PRDM14: variants seen among roughly 807,000 people sequenced by gnomAD.
PRDM14 encodes the protein PR domain zinc finger protein 14.
PRDM14 carries 16 observed loss-of-function variants against 48.0 expected under a neutral mutation model. That is an observed-to-expected ratio of 0.33 (90% CI 0.23 to 0.51). The LOEUF (loss-of-function observed/expected upper bound fraction) is 0.51, where lower values mean the gene tolerates loss of function less well. Among genes scored for constraint, PRDM14 ranks in the 20% least tolerant of loss-of-function variants. PRDM14 has a pLI of 0.97. For synonymous variants in PRDM14, 264 were observed against 276.6 expected (o/e 0.95, Z 0.45); for missense variants, 566 against 719.6 (o/e 0.79, Z 2.44).
intron 6 of PRDM14, among the ~76,000 whole-genome samples, 163 bp downstream of exon 6, chr8:70,058,477 C>T (rs73283199): frequency 0.016 from 2,450 of 152,318 alleles, 66 homozygotes; most frequent in African/African-American, 0.056. Context: ...TGTGCCTATT[C>T]ACGCCTGCCT....
chr8:70,068,780 T>A (rs919515838), intron 2 of PRDM14, among the ~76,000 whole-genome samples: 1 of 152,146 alleles, frequency 6.6e-6, no homozygotes, highest in African/African-American at 2.4e-5. Context: ...ATTAACCCCA[T>A]TAGGCAAATT....
intron 5 of PRDM14, among the ~76,000 whole-genome samples, chr8:70,062,402 T>C (rs1372523993): frequency 1.3e-5 from 2 of 152,342 alleles, no homozygotes; most frequent in Non-Finnish European, 1.5e-5. Context: ...CTTTGGAATA[T>C]TTCATATACA....
At chr8:70,064,890 CTT>C (rs764933551) in intron 5 of PRDM14, among the ~76,000 whole-genome samples, 32 of 135,874 alleles carry the variant, frequency 2.4e-4, no homozygotes, top group South Asian at 1.2e-3. Context: ...CTCTCTCTCT[CTT>C]TTTTTTTTTT....
intron 5 of PRDM14, among the ~76,000 whole-genome samples, chr8:70,061,189 A>G (rs1585650842): frequency 6.6e-6 from 1 of 152,166 alleles, no homozygotes; most frequent in African/African-American, 2.4e-5. Context: ...GGGGAAGGCG[A>G]GAGAACAGGG....
chr8:70,061,138 C>G (rs756579426), intron 5 of PRDM14, among the ~76,000 whole-genome samples: 3 of 152,150 alleles, frequency 2.0e-5, no homozygotes, highest in African/African-American at 7.2e-5. Context: ...CAGCTAGACT[C>G]TAGCAAAGCA....
intron 7 of PRDM14, among the ~76,000 whole-genome samples, chr8:70,054,835 T>C (rs940939408): frequency 6.6e-6 from 1 of 151,482 alleles, no homozygotes; most frequent in African/African-American, 2.4e-5. Context: ...TCCTTTTTTT[T>C]TTGAGACAGT....
intron 4 of PRDM14, among the ~76,000 whole-genome samples, chr8:70,067,872 T>C (rs926148018): frequency 2.0e-5 from 3 of 152,240 alleles, no homozygotes; most frequent in African/African-American, 7.2e-5. Context: ...TATTGAATTT[T>C]AAAACTTGTT....
intron 7 of PRDM14, 102 bp from the exon 8 acceptor site, chr8:70,052,406 G>C (rs1194737739): frequency 8.6e-6 from 8 of 925,706 alleles, no homozygotes; most frequent in Non-Finnish European, 1.3e-5. Context: ...CATCCTTATG[G>C]ACGAACCTTG....
intron 5 of PRDM14, among the ~76,000 whole-genome samples, chr8:70,060,339 C>T (rs1386408833): frequency 6.7e-6 from 1 of 149,032 alleles, no homozygotes; most frequent in Non-Finnish European, 1.5e-5. Context: ...GTTGAGGCTG[C>T]AATGAGCAGT....
intron 5 of PRDM14, among the ~76,000 whole-genome samples, chr8:70,062,525 G>C (rs182832428): frequency 6.7e-6 from 1 of 149,966 alleles, no homozygotes; most frequent in Non-Finnish European, 1.5e-5. Flanking sequence ...TTTTTGAGAC[G>C]GAATCTTGCT....
Position 70,066,258 on chromosome 8 carries a change from T to G in PRDM14, c.1160A>C (p.Lys387Thr). 1 of 1,613,866 alleles carries G rather than the reference T, an allele frequency of 6.2e-7. No homozygotes were observed. Among genetic ancestry groups the G allele is most frequent in the Non-Finnish European group, 8.5e-7 (1 of 1,180,030 alleles). ...ACCTTCAGAGGGCCCAGATGGCTGC[T>G]TCCCCGGCTCTGTGACCTGAAGGCT... ...PVSLQVTEPG[K>T]QPSGPSEESA... Residue 387 changes from lysine (K) to threonine (T), a missense_variant, in exon 5 of 8, where the codon AAG (lysine) becomes ACG (threonine). By Grantham distance (78) the Lys-to-Thr change is moderately conservative (BLOSUM62 -1). This residue lies in a region of PRDM14 where 126 missense variants were observed against 271.6 expected (regional missense o/e 0.46). Transcript: ENST00000276594.
At position 70,069,665 on chromosome 8, in the gene PRDM14, T is replaced by C. The variant is rs781674822; in HGVS notation, c.196A>G (p.Met66Val). The C allele has an allele frequency of 4.5e-6, 7 of 1,542,010 alleles. No individual in the cohort carries two copies. The highest frequency in any genetic ancestry group is 6.1e-6 in the Non-Finnish European group (7 of 1,144,972). The change falls in exon 2 of 8, where the codon ATG becomes GTG. Residue 66 changes from methionine (M) to valine (V), a missense_variant. Met to Val is a conservative substitution (Grantham distance 21). This residue lies in a region of PRDM14 where 410 missense variants were observed against 424.6 expected (regional missense o/e 0.97). Transcript: ENST00000276594. Reference sequence around the variant, plus strand: ...GCCATCCGGAAGGGGAAGGGGGGCATGGCGGGGGCAGCAGACGCTGCGGCC... The same window carrying C: ...GCCATCCGGAAGGGGAAGGGGGGCACGGCGGGGGCAGCAGACGCTGCGGCC... Reference protein sequence around the residue: ...LEAAASAAPAMPPFPFRMAPP... With the variant: ...LEAAASAAPAVPPFPFRMAPP...
In PRDM14 at chr8:70,069,216, GT is replaced by G; in HGVS notation, c.644del (p.His215ProfsTer79). The G allele has an allele frequency of 6.4e-7, 1 of 1,568,558 alleles. No individual in the cohort carries two copies. Among genetic ancestry groups the G allele is most frequent in the South Asian group, 1.2e-5 (1 of 81,854 alleles). ...AAATCGCATGGTGCAGGCTGGCTGG[GT>G]GCTCCAGGCTGGGAGTGACCCCGTA... Reference protein sequence around the residue: ...VLYGVTPSLEHPASLHHAISG... With the variant: ...VLYGVTPSLEXPASLHHAISG... On this transcript the variant is annotated frameshift_variant, in exon 2 of 8. Transcript: ENST00000276594. LOFTEE classifies it high-confidence loss of function.
At chr8:70,062,228 C>T (rs1206061581) in intron 5 of PRDM14, among the ~76,000 whole-genome samples, 1 of 152,212 alleles carries the variant, frequency 6.6e-6, no homozygotes, top group African/African-American at 2.4e-5. Context: ...TATCTGCATG[C>T]TGGGTATCCC....
intron 1 of PRDM14, 28 bp from the exon 2 acceptor site, chr8:70,069,912 C>A (rs896850164): frequency 2.1e-6 from 3 of 1,415,002 alleles, no homozygotes; most frequent in African/African-American, 2.8e-5. Context: ...CCGCTGAGGA[C>A]ACCGCGCGGG....
rs1337923713 is a variant in PRDM14, at chr8:70,058,733, T to C, written c.1293A>G (p.Lys431=). ...ATCGTTTGCAGAGAGAACAGGGAAA[T>C]TTCCTATCGCCCTTGTCCACACAGG... ...YTPCVDKGDR[K]FPCSLCKRSF... The change falls in exon 6 of 8, where the codon AAA becomes AAG. Residue 431 remains lysine, a synonymous_variant. Coordinates refer to ENST00000276594, the MANE Select transcript of PRDM14 (RefSeq NM_024504.4). 6.2e-7 allele frequency: 1 copy of C among 1,613,948 alleles called. No homozygotes were observed. The highest frequency in any genetic ancestry group is 8.5e-7 in the Non-Finnish European group (1 of 1,179,990).
At chr8:70,068,075 G>A (rs548851856) in intron 4 of PRDM14, among the ~76,000 whole-genome samples, 155 bp downstream of exon 4, 13 of 152,240 alleles carry the variant, frequency 8.5e-5, no homozygotes, top group Middle Eastern at 3.4e-3. Flanking sequence ...AACACTGGCC[G>A]TTCCTTCCTT....
At chr8:70,069,052 C>T in intron 2 of PRDM14, 109 bp downstream of exon 2, 1 of 865,814 alleles carries the variant, frequency 1.2e-6, no homozygotes, top group Non-Finnish European at 1.7e-6. Context: ...TTCCCCCTTC[C>T]CGCACTCTGC....
chr8:70,057,535 T>C (rs2131036372), intron 6 of PRDM14, among the ~76,000 whole-genome samples: 1 of 152,276 alleles, frequency 6.6e-6, no homozygotes, highest in South Asian at 2.1e-4. Context: ...TTTCGCCATG[T>C]TGGCCAGGCT....
Sources: allele counts gnomAD v4.1 joint callset (sites outside exome capture counted in the v4.1 genomes callset), GRCh38; gene constraint gnomAD v4.1.1; regional missense constraint gnomAD v4.1.1; transcripts MANE v1.5; gene names NCBI Gene and HGNC (gene_info 2026-07-23, HGNC 2026-07-21).